GPCPD1: variants seen among roughly 807,000 people sequenced by gnomAD.
The protein encoded by GPCPD1 is glycerophosphocholine phosphodiesterase GPCPD1.
Under a neutral mutation model 89.2 loss-of-function variants are expected in GPCPD1, and 29 were observed. That is an observed-to-expected ratio of 0.33 (90% CI 0.24 to 0.44). GPCPD1 has a LOEUF of 0.44. Ranked by LOEUF, GPCPD1 falls within the 20% of genes least tolerant of loss-of-function variation. GPCPD1 has a pLI of 1.00. For missense variants in GPCPD1, 594 were observed against 808.9 expected, an observed-to-expected ratio of 0.73 and a Z score of 3.22; for synonymous variants, 258 against 266.3, an observed-to-expected ratio of 0.97 and a Z score of 0.30.
chr20:5,557,802 A>G lies in GPCPD1; in HGVS notation c.1829+143T>C, dbSNP rs115951929. 1.8e-3 allele frequency: 1,019 copies of G among 578,428 alleles called. 8 individuals are homozygous for G. Among genetic ancestry groups the G allele is most frequent in the African/African-American group, 0.018 (927 of 52,794 alleles). The allele number at this position is 578,428 out of a possible 1,614,324, so 35.8% of individuals were successfully genotyped here. A position where few individuals can be genotyped will look rare whatever the true frequency, so the allele number is the denominator to read the frequency against. On this transcript the variant is annotated intron_variant, in intron 19 of 19. Transcript: ENST00000379019. ...TGATTCTGCTATCCTTCAAACTTTG[A>G]AAACACCCACAGGCAAATGTCAAGA...
intron 4 of GPCPD1, among the ~76,000 whole-genome samples, chr20:5,588,727 A>G (rs1034166525): frequency 6.6e-6 from 1 of 152,174 alleles, no homozygotes; most frequent in Non-Finnish European, 1.5e-5. Context: ...TGGGAGGCCA[A>G]GGCAGGGGAA....
intron 11 of GPCPD1, among the ~76,000 whole-genome samples, chr20:5,571,775 G>A (rs1039105944): frequency 6.6e-6 from 1 of 152,104 alleles, no homozygotes; most frequent in Non-Finnish European, 1.5e-5. Context: ...TGGGCATGGT[G>A]GCAAACGCCT....
chr20:5,605,126 C>A (rs2122819232), intron 1 of GPCPD1, among the ~76,000 whole-genome samples: 1 of 152,266 alleles, frequency 6.6e-6, no homozygotes, highest in East Asian at 1.9e-4. Flanking sequence ...CAAAGCTATT[C>A]TTTCAGAATA....
rs372423788 is a variant in GPCPD1, at chr20:5,566,923, A to G, written c.1228-151T>C. On this transcript the variant is annotated intron_variant, in intron 13 of 19. Transcript: ENST00000379019. ...AATAAGAATAAGCACTAGCCACTAT[A>G]TATATTTTATATGTGCATACACATT... 5.4e-5 allele frequency: 33 copies of G among 613,194 alleles called. No homozygotes were observed. In the East Asian group the frequency reaches 5.8e-4, roughly 11 times the overall value. The allele number at this position is 613,194 out of a possible 1,614,324, so 38.0% of individuals were successfully genotyped here.
intron 5 of GPCPD1, chr20:5,584,816 T>A (rs1012153367): frequency 1.3e-5 from 2 of 152,710 alleles, no homozygotes; most frequent in African/African-American, 4.8e-5. Context: ...TACCTGTATG[T>A]ACAGAGCTGT....
intron 3 of GPCPD1, among the ~76,000 whole-genome samples, chr20:5,596,400 T>A (rs1979732786): frequency 6.6e-6 from 1 of 151,842 alleles, no homozygotes; most frequent in South Asian, 2.1e-4. Context: ...TAAAAAATTT[T>A]AAAAAAAGAA....
Position 5,593,312 on chromosome 20 carries a change from A to G in GPCPD1, c.231+15T>C. ...AAGTGCTAAAGGAATTGGAAACTAG[A>G]TAAAGAAAACATACCTTTGGTTCTA... is the stretch of plus-strand genomic sequence containing the variant. On this transcript the variant is annotated intron_variant, in intron 4 of 19. Coordinates refer to ENST00000379019, the MANE Select transcript of GPCPD1 (RefSeq NM_019593.5). 1 of 1,338,208 alleles carries G rather than the reference A, an allele frequency of 7.5e-7. No individual in the cohort carries two copies. Among genetic ancestry groups the G allele is most frequent in the Non-Finnish European group, 1.1e-6 (1 of 930,918 alleles). 82.9% of individuals were successfully genotyped at this position (1,338,208 alleles called of 1,614,324 possible). A position where few individuals can be genotyped will look rare whatever the true frequency, so the allele number is the denominator to read the frequency against.
At chr20:5,587,305 G>C (rs1978989805) in intron 4 of GPCPD1, among the ~76,000 whole-genome samples, 2 of 151,718 alleles carry the variant, frequency 1.3e-5, no homozygotes, top group Non-Finnish European at 2.9e-5. Context: ...ATACCATTTA[G>C]GGATAATCAC....
At chr20:5,579,945 A>G (rs1978342383) in intron 7 of GPCPD1, 63 bp downstream of exon 7, 1 of 1,014,254 alleles carries the variant, frequency 9.9e-7, no homozygotes, top group Non-Finnish European at 1.5e-6. Context: ...AAACCAATTG[A>G]GTCTGAAATC....
chr20:5,565,185 T>G, intron 14 of GPCPD1, 107 bp from the exon 15 acceptor site: 1 of 700,700 alleles, frequency 1.4e-6, no homozygotes, highest in Non-Finnish European at 2.6e-6. Flanking sequence ...AGAGAGAGTG[T>G]GTGTGTGAGC....
chr20:5,576,516 T>C (rs981814023), intron 8 of GPCPD1, among the ~76,000 whole-genome samples: 2 of 152,116 alleles, frequency 1.3e-5, no homozygotes, highest in African/African-American at 4.8e-5. Context: ...TGATAAGAGA[T>C]ACAATCAAAT....
chr20:5,602,878 G>A (rs1296255619), intron 2 of GPCPD1, among the ~76,000 whole-genome samples: 1 of 151,784 alleles, frequency 6.6e-6, no homozygotes, highest in South Asian at 2.1e-4. Context: ...AGCTACTCAG[G>A]AGCCCAAAAC....
At chr20:5,571,137 A>G (rs1454530474) in intron 11 of GPCPD1, among the ~76,000 whole-genome samples, 1 of 152,124 alleles carries the variant, frequency 6.6e-6, no homozygotes, top group Middle Eastern at 3.2e-3. Context: ...AAGGGGTAGA[A>G]CTCAACTTGG....
rs1277165946 is a variant in GPCPD1, at chr20:5,547,144, T to C, written c.*517A>G. ...TTCATACTGAATGAAAATGGTGTTGTGTGCATGTCAACCCATGTAAAAAAT... is the reference window on the plus strand; with the variant it reads ...TTCATACTGAATGAAAATGGTGTTGCGTGCATGTCAACCCATGTAAAAAAT... On this transcript the variant is annotated 3_prime_UTR_variant, in exon 20 of 20. Transcript: ENST00000379019. 1 of 152,658 alleles carries C rather than the reference T, an allele frequency of 6.6e-6. No homozygotes were observed. Among genetic ancestry groups the C allele is most frequent in the African/African-American group, 2.4e-5 (1 of 41,462 alleles). The allele number at this position is 152,658 out of a possible 1,614,324, so 9.5% of individuals were successfully genotyped here.
Position 5,559,999 on chromosome 20 carries a change from TAA to T in GPCPD1, c.1471_1472del (p.Leu491ArgfsTer14). The T allele has an allele frequency of 6.3e-7, 1 of 1,575,904 alleles. No homozygotes were observed. The highest frequency in any genetic ancestry group is 8.7e-7 in the Non-Finnish European group (1 of 1,153,338). ...CTATTCTCCTCTTCCCAGAATTTTC[TAA>T]AACAGTTTTTAAAATTATATCCAAA... ...LFLDIILKTV[L>X]ENSGKRRIVF... On this transcript the variant is annotated frameshift_variant, in exon 17 of 20. Coordinates refer to ENST00000379019, the MANE Select transcript of GPCPD1 (RefSeq NM_019593.5). LOFTEE classifies it high-confidence loss of function.
At chr20:5,605,002 A>C (rs1481494736) in intron 1 of GPCPD1, among the ~76,000 whole-genome samples, 1 of 152,160 alleles carries the variant, frequency 6.6e-6, no homozygotes, top group African/African-American at 2.4e-5. Flanking sequence ...AAAAAAGCAA[A>C]AAATGAAAAT....
Position 5,610,937 on chromosome 20 carries a change from C to T in GPCPD1, c.-124G>A, listed in dbSNP as rs1048624887. ...TACCGGGCGCCCGCCGTCCGTGCCT[C>T]GCCAGCGCTCCCCCCAGGCGGCCTG... is the stretch of plus-strand genomic sequence containing the variant. On this transcript the variant is annotated 5_prime_UTR_variant, in exon 1 of 20. Transcript: ENST00000379019. 4.3e-5 allele frequency: 1 copy of T among 23,350 alleles called. No homozygotes were observed. The highest frequency in any genetic ancestry group is 2.0e-4 in the African/African-American group (1 of 5,110). The allele number at this position is 23,350 out of a possible 1,614,324, so 1.4% of individuals were successfully genotyped here. A position where few individuals can be genotyped will look rare whatever the true frequency, so the allele number is the denominator to read the frequency against.
At chr20:5,557,858 TTAAC>T (rs750222216) in intron 19 of GPCPD1, 83 bp downstream of exon 19, 4 of 749,726 alleles carry the variant, frequency 5.3e-6, no homozygotes, top group Non-Finnish European at 8.5e-6. Context: ...GAATTTTAAC[TTAAC>T]TAAGTTTAAT....
At position 5,598,744 on chromosome 20, in the gene GPCPD1, C is replaced by G. The variant is rs1485056770; in HGVS notation, c.127G>C (p.Glu43Gln). 1.2e-6 allele frequency: 2 copies of G among 1,608,470 alleles called. No homozygotes were observed. Among genetic ancestry groups the G allele is most frequent in the Non-Finnish European group, 1.7e-6 (2 of 1,174,794 alleles). ...ACTCACCTTTCACCTGTGTCATTCT[C>G]TGGAAGAAGAGCCACAGCATTTTGA... is the stretch of plus-strand genomic sequence containing the variant. ...NPQNAVALLP[E>Q]NDTGESMLWK... is the part of the protein sequence containing the mutation. The change falls in exon 3 of 20, where the codon GAG becomes CAG. Residue 43 changes from glutamate to glutamine, a missense_variant. Transcript: ENST00000379019.
Sources: allele counts gnomAD v4.1 joint callset (sites outside exome capture counted in the v4.1 genomes callset), GRCh38; gene constraint gnomAD v4.1.1; transcripts MANE v1.5; gene names NCBI Gene and HGNC (gene_info 2026-07-23, HGNC 2026-07-21).